Variants in ARHGAP23 observed in about 807,000 individuals in gnomAD.
ARHGAP23 encodes the protein rho GTPase-activating protein 23.
In ARHGAP23, 34 loss-of-function variants were observed where a neutral mutation model predicts 136.3. The observed-to-expected ratio is 0.25, with a 90% confidence interval of 0.19 to 0.33. ARHGAP23 has a LOEUF of 0.33. ARHGAP23 is among the 10% of genes least tolerant of loss of function. ARHGAP23 has a pLI of 1.00. For synonymous variants in ARHGAP23, 832 were observed against 920.5 expected (o/e 0.90, Z 1.74); for missense variants, 1,808 against 2,139.0 (o/e 0.85, Z 3.05).
chr17:38,484,870 G>A (rs2040125783), intron 16 of ARHGAP23, among the ~76,000 whole-genome samples: 1 of 152,136 alleles, frequency 6.6e-6, no homozygotes, highest in African/African-American at 2.4e-5. Context: ...GAGCCTGTGG[G>A]GAGTGTATTG....
At chr17:38,439,684 T>G (rs76108867) in intron 1 of ARHGAP23, among the ~76,000 whole-genome samples, 1,665 of 152,274 alleles carry the variant, frequency 0.011, 27 homozygotes, top group African/African-American at 0.038. Flanking sequence ...AAACAGAAGC[T>G]TAGGGAGGTT....
intron 23 of ARHGAP23, among the ~76,000 whole-genome samples, chr17:38,504,373 G>A (rs2040583598): frequency 6.6e-6 from 1 of 152,226 alleles, no homozygotes; most frequent in African/African-American, 2.4e-5. Flanking sequence ...AGTCAGGGAA[G>A]CAGGAGGCAC....
chr17:38,463,972 C>T (rs2039522257), intron 6 of ARHGAP23, among the ~76,000 whole-genome samples: 1 of 152,090 alleles, frequency 6.6e-6, no homozygotes. Context: ...GCGAAGTGCA[C>T]CACAACACAC....
At position 38,472,029 on chromosome 17, in the gene ARHGAP23, G is replaced by A. The variant is rs529510052; in HGVS notation, c.2118+23G>A. 5 of 1,534,098 alleles carry A rather than the reference G, an allele frequency of 3.3e-6. No homozygotes were observed. In the African/African-American group the frequency reaches 4.1e-5, roughly 13 times the overall value. On this transcript the variant is annotated intron_variant, in intron 11 of 23. Transcript: ENST00000622683. The stretch of plus-strand genomic sequence containing the variant: ...AAGGTAAGATGGGTGGAGGAATGAG[G>A]TGGAAGCTGGCTCCAGCAGAACCCT...
upstream of ARHGAP23, chr17:38,428,428 C>G: frequency 8.8e-7 from 1 of 1,132,164 alleles, no homozygotes. Flanking sequence ...CCGCCCCTCC[C>G]GGGTCCCTGC....
chr17:38,473,638 G>A (rs370478834), intron 11 of ARHGAP23, among the ~76,000 whole-genome samples: 8 of 145,826 alleles, frequency 5.5e-5, no homozygotes, highest in South Asian at 2.3e-4. Flanking sequence ...CGCATGTGGC[G>A]TCATGGTTCC....
intron 8 of ARHGAP23, 35 bp downstream of exon 8, chr17:38,469,334 C>T: frequency 1.3e-6 from 2 of 1,527,660 alleles, no homozygotes; most frequent in Non-Finnish European, 1.8e-6. Context: ...CCCACCCTCT[C>T]CCTCGCTGCC....
chr17:38,429,439 C>G (rs183526271), intron 1 of ARHGAP23, among the ~76,000 whole-genome samples: 1 of 152,218 alleles, frequency 6.6e-6, no homozygotes. Context: ...TCCCTGAGCT[C>G]GGAAAAGAAA....
chr17:38,480,711 C>T (rs1454698505), intron 14 of ARHGAP23, among the ~76,000 whole-genome samples: 6 of 144,014 alleles, frequency 4.2e-5, no homozygotes, highest in African/African-American at 1.0e-4. Context: ...GGCTGAGACA[C>T]GAGAATCACT....
chr17:38,488,695 C>G (rs1019104108), intron 17 of ARHGAP23, among the ~76,000 whole-genome samples: 1 of 151,942 alleles, frequency 6.6e-6, no homozygotes. Context: ...ATTACAGGTG[C>G]CCACCATCAT....
At chr17:38,444,304 C>A (rs2038982903) in intron 1 of ARHGAP23, among the ~76,000 whole-genome samples, 1 of 152,022 alleles carries the variant, frequency 6.6e-6, no homozygotes, top group East Asian at 1.9e-4. Flanking sequence ...GGCCACGGGA[C>A]CTGCCTGCCA....
intron 11 of ARHGAP23, among the ~76,000 whole-genome samples, chr17:38,472,576 T>C (rs1165532148): frequency 6.8e-6 from 1 of 147,618 alleles, no homozygotes; most frequent in Non-Finnish European, 1.5e-5. Context: ...CTTCGGGGAG[T>C]AGTTGGGGAG....
chr17:38,429,545 C>T (rs75439542), intron 1 of ARHGAP23, among the ~76,000 whole-genome samples: 4,772 of 152,294 alleles, frequency 0.031, 90 homozygotes, highest in Middle Eastern at 0.16. Context: ...CCCAGCTTTC[C>T]CGGCAGTGTT....
Position 38,510,974 on chromosome 17 carries a change from C to T in ARHGAP23, c.*2C>T, listed in dbSNP as rs2040753181. ...TCCCGCCTGCATCAGTGTCTGTGATCCCCACCTCCCGCGCCGCTCGGGCGC... is the reference window on the plus strand; with the variant it reads ...TCCCGCCTGCATCAGTGTCTGTGATTCCCACCTCCCGCGCCGCTCGGGCGC... On this transcript the variant is annotated 3_prime_UTR_variant, in exon 24 of 24. Transcript: ENST00000622683. The surrounding 1 kb of genome is among the most constrained non-coding windows in gnomAD (Gnocchi z 4.6). The T allele has an allele frequency of 2.1e-6, 3 of 1,430,872 alleles. No individual in the cohort carries two copies. The allele number at this position is 1,430,872 out of a possible 1,614,324, so 88.6% of individuals were successfully genotyped here.
chr17:38,510,438 C>A lies in ARHGAP23; in HGVS notation c.3942C>A (p.Pro1314=). Residue 1314 remains proline (P), a synonymous_variant, in exon 24 of 24, where the codon CCC becomes CCA. Transcript: ENST00000622683. The surrounding 1 kb of genome is among the most constrained non-coding windows in gnomAD (Gnocchi z 4.6). ...RPSFSSHHLM[P]CDTLARRRLA... is the part of the protein sequence containing the mutation. ...CCTTCAGCTCGCACCACCTCATGCC[C>A]TGCGACACTCTGGCGCGCCGCCGCC... The A allele has an allele frequency of 8.2e-7, 1 of 1,218,542 alleles. No individual in the cohort carries two copies. Among genetic ancestry groups the A allele is most frequent in the Non-Finnish European group, 1.0e-6 (1 of 979,964 alleles). The allele number at this position is 1,218,542 out of a possible 1,614,324, so 75.5% of individuals were successfully genotyped here.
chr17:38,493,193 G>A (rs893071906), intron 20 of ARHGAP23, among the ~76,000 whole-genome samples: 3 of 135,164 alleles, frequency 2.2e-5, no homozygotes, highest in Non-Finnish European at 3.1e-5. Context: ...CTCTCTTTTC[G>A]CTTTTTTTTT....
chr17:38,479,282 G>C (rs1263704699), intron 12 of ARHGAP23, among the ~76,000 whole-genome samples, 154 bp from the exon 13 acceptor site: 2 of 152,130 alleles, frequency 1.3e-5, no homozygotes, highest in Non-Finnish European at 2.9e-5. Flanking sequence ...GCTGGTGAGA[G>C]GGTGCTGGGG....
At chr17:38,492,863 C>T (rs113118578) in intron 20 of ARHGAP23, among the ~76,000 whole-genome samples, 35 of 152,204 alleles carry the variant, frequency 2.3e-4, no homozygotes, top group African/African-American at 6.8e-4. Context: ...CAGGGAGCCC[C>T]GGAACCTCCC....
chr17:38,448,876 G>C (rs993238671), intron 1 of ARHGAP23, among the ~76,000 whole-genome samples: 1 of 51,446 alleles, frequency 1.9e-5, no homozygotes, highest in African/African-American at 1.0e-4. Flanking sequence ...TTTTTTTTTT[G>C]AGACCGGGTC....
Sources: allele counts gnomAD v4.1 joint callset (sites outside exome capture counted in the v4.1 genomes callset), GRCh38; gene constraint gnomAD v4.1.1; non-coding constraint Gnocchi (gnomAD v3.1); transcripts MANE v1.5; gene names NCBI Gene and HGNC (gene_info 2026-07-23, HGNC 2026-07-21).